Variants in GRIK2 observed in about 807,000 individuals in gnomAD.
The protein encoded by GRIK2 is glutamate receptor ionotropic, kainate 2.
GRIK2 carries 32 observed loss-of-function variants against 100.3 expected under a neutral mutation model. The observed-to-expected ratio is 0.32, with a 90% CI of 0.24 to 0.43. The LOEUF (loss-of-function observed/expected upper bound fraction) is 0.43, where lower values mean the gene tolerates loss of function less well. Ranked by LOEUF, GRIK2 falls within the 20% of genes least tolerant of loss-of-function variation. The probability of loss-of-function intolerance (pLI) is 1.00; values close to 1 mark genes in which losing one functional copy is unlikely to be tolerated. For missense variants in GRIK2, 843 were observed against 1,114.9 expected (o/e 0.76, Z 3.47); for synonymous variants, 417 against 389.4 (o/e 1.07, Z -0.83).
In GRIK2 at chr6:101,719,138, G is replaced by GTTTTTTTTTTTTTTT. The variant is rs60301711; in HGVS notation, c.951+32809_951+32823dup. Among the ~76,000 whole-genome samples the GTTTTTTTTTTTTTTT allele has an allele frequency of 1.1e-4, 11 of 101,148 alleles. 1 individual carries two copies. The highest frequency in any genetic ancestry group is 5.5e-4 in the African/African-American group (11 of 20,124). The allele number at this position is 101,148 out of a possible 152,430, so 66.4% of individuals were successfully genotyped here. A position where few individuals can be genotyped will look rare whatever the true frequency, so the allele number is the denominator to read the frequency against. On this transcript the variant is annotated intron_variant, in intron 7 of 16. Transcript: ENST00000369134. ...CTGAAATGTGCAACAGGCTGCAAGG[G>GTTTTTTTTTTTTTTT]TTTTTTTTTTTTTTTTTTTTTTTTT...
At chr6:101,768,481 T>G (rs759809499) in intron 7 of GRIK2, among the ~76,000 whole-genome samples, 1 of 152,176 alleles carries the variant, frequency 6.6e-6, no homozygotes, top group African/African-American at 2.4e-5. Context: ...ATGGTTTCTC[T>G]CACCTAGAAA....
chr6:101,555,343 A>G (rs993814189), intron 2 of GRIK2, among the ~76,000 whole-genome samples: 5 of 152,198 alleles, frequency 3.3e-5, no homozygotes, highest in African/African-American at 9.7e-5. Context: ...TGGGAAGGTT[A>G]GTGGACCTTA....
At chr6:101,709,313 C>G (rs992414241) in intron 7 of GRIK2, among the ~76,000 whole-genome samples, 3 of 151,726 alleles carry the variant, frequency 2.0e-5, no homozygotes, top group African/African-American at 7.3e-5. Flanking sequence ...AAATAAATGT[C>G]TGTGTTTTAA....
At chr6:101,895,277 C>G (rs1419591735) in intron 12 of GRIK2, among the ~76,000 whole-genome samples, 1 of 151,406 alleles carries the variant, frequency 6.6e-6, no homozygotes, top group Non-Finnish European at 1.5e-5. Flanking sequence ...ATATAATTGC[C>G]TTTAATTATT....
chr6:101,991,288 G>A (rs1050134057), intron 14 of GRIK2, among the ~76,000 whole-genome samples: 7 of 151,326 alleles, frequency 4.6e-5, no homozygotes, highest in East Asian at 2.0e-4. Flanking sequence ...TCAGAAGTGA[G>A]GAAATTTAAG....
intron 7 of GRIK2, among the ~76,000 whole-genome samples, chr6:101,776,461 CAG>C (rs1778754291): frequency 6.6e-6 from 1 of 152,038 alleles, no homozygotes; most frequent in Non-Finnish European, 1.5e-5. Flanking sequence ...GGTATAAAAT[CAG>C]AGTAAAATGT....
chr6:101,850,025 A>G (rs1784045161), intron 10 of GRIK2, among the ~76,000 whole-genome samples: 1 of 151,914 alleles, frequency 6.6e-6, no homozygotes, highest in Non-Finnish European at 1.5e-5. Flanking sequence ...CTATTTTTCA[A>G]AATAAATGAT....
At chr6:101,945,294 A>G (rs1462002564) in intron 14 of GRIK2, among the ~76,000 whole-genome samples, 2 of 152,178 alleles carry the variant, frequency 1.3e-5, no homozygotes, top group Non-Finnish European at 2.9e-5. Context: ...AAACTAAAAT[A>G]ATGTGAAACA....
chr6:101,579,668 T>C (rs1777973365), intron 2 of GRIK2, among the ~76,000 whole-genome samples: 1 of 151,872 alleles, frequency 6.6e-6, no homozygotes. Flanking sequence ...CTTGCCAACA[T>C]GGCGAAACCC....
intron 2 of GRIK2, among the ~76,000 whole-genome samples, chr6:101,566,409 A>G (rs1028680909): frequency 6.6e-6 from 1 of 152,090 alleles, no homozygotes; most frequent in African/African-American, 2.4e-5. Context: ...TTGTGTTCAC[A>G]TAAAAACATC....
chr6:101,580,830 T>G (rs933548339), intron 2 of GRIK2, among the ~76,000 whole-genome samples: 1 of 152,090 alleles, frequency 6.6e-6, no homozygotes, highest in African/African-American at 2.4e-5. Context: ...TTCAGTTATC[T>G]GCATAGTTCC....
At chr6:101,495,900 A>G (rs1005084306) in intron 2 of GRIK2, among the ~76,000 whole-genome samples, 1 of 151,928 alleles carries the variant, frequency 6.6e-6, no homozygotes, top group African/African-American at 2.4e-5. Context: ...AGCACATAAG[A>G]GGAGAAAGGA....
At chr6:101,842,149 A>G (rs137908615) in intron 10 of GRIK2, among the ~76,000 whole-genome samples, 3 of 152,330 alleles carry the variant, frequency 2.0e-5, no homozygotes, top group Admixed American at 6.5e-5. Context: ...TCTAAAATTA[A>G]AACATAATAA....
chr6:101,856,953 A>C (rs151211943), intron 10 of GRIK2, among the ~76,000 whole-genome samples: 1 of 152,264 alleles, frequency 6.6e-6, no homozygotes, highest in East Asian at 1.9e-4. Flanking sequence ...AAAGAGCAAA[A>C]TTACCATCCA....
At chr6:101,943,446 A>G (rs1045839271) in intron 14 of GRIK2, among the ~76,000 whole-genome samples, 12 of 152,150 alleles carry the variant, frequency 7.9e-5, no homozygotes, top group African/African-American at 2.9e-4. Flanking sequence ...AGAATAGCAG[A>G]TCCACCAACA....
At chr6:102,030,854 C>G (rs1260117558) in intron 14 of GRIK2, among the ~76,000 whole-genome samples, 1 of 150,788 alleles carries the variant, frequency 6.6e-6, no homozygotes, top group Non-Finnish European at 1.5e-5. Context: ...CTTTGATATC[C>G]CCTCTGAACT....
chr6:101,523,895 G>A (rs568539686), intron 2 of GRIK2, among the ~76,000 whole-genome samples: 1 of 151,784 alleles, frequency 6.6e-6, no homozygotes, highest in Non-Finnish European at 1.5e-5. Flanking sequence ...AATTTTTATA[G>A]TTTTTTAGTG....
At chr6:101,720,032 GA>G in intron 7 of GRIK2, among the ~76,000 whole-genome samples, 1 of 151,536 alleles carries the variant, frequency 6.6e-6, no homozygotes, top group Non-Finnish European at 1.5e-5. Flanking sequence ...TTCATTTTAA[GA>G]AAAAAAGATA....
chr6:101,708,024 T>G (rs2128357193), intron 7 of GRIK2, among the ~76,000 whole-genome samples: 1 of 151,800 alleles, frequency 6.6e-6, no homozygotes, highest in Admixed American at 6.6e-5. Context: ...GCAAAAATAA[T>G]ATATGGTTCC....
Sources: gnomAD v4.1 joint callset for allele counts (sites outside exome capture counted in the v4.1 genomes callset) on GRCh38, gnomAD v4.1.1 for gene constraint, MANE v1.5 for transcripts, NCBI Gene and HGNC (gene_info 2026-07-23, HGNC 2026-07-21) for gene names.